The following LDB2 variants were observed in gnomAD, a reference collection of about 807,000 sequenced individuals.
The protein encoded by LDB2 is LIM domain binding 2.
A neutral mutation model predicts 44.3 loss-of-function variants in LDB2; 12 were observed. The ratio of observed to expected loss-of-function variants is 0.27; its 90% CI spans 0.17 to 0.44. The LOEUF (loss-of-function observed/expected upper bound fraction) is 0.44, where lower values mean the gene tolerates loss of function less well. Among genes scored for constraint, LDB2 ranks in the 20% least tolerant of loss-of-function variants. The probability of loss-of-function intolerance (pLI) is 1.00; values close to 1 mark genes in which losing one functional copy is unlikely to be tolerated. For synonymous variants in LDB2, 164 were observed against 174.8 expected (o/e 0.94, Z 0.49); for missense variants, 344 against 473.5 (o/e 0.73, Z 2.54).
At chr4:16,571,014 G>T (rs115832243) in intron 5 of LDB2, among the ~76,000 whole-genome samples, 2,103 of 152,242 alleles carry the variant, frequency 0.014, 16 homozygotes, top group South Asian at 0.032. Flanking sequence ...AAAGTCCCTG[G>T]CATGATAAGA....
At chr4:16,688,858 A>G (rs952796568) in intron 2 of LDB2, among the ~76,000 whole-genome samples, 1 of 152,224 alleles carries the variant, frequency 6.6e-6, no homozygotes, top group Non-Finnish European at 1.5e-5. Flanking sequence ...GTTATTTTCA[A>G]TGTGGTTTTT....
At chr4:16,515,271 C>T (rs1273390778) in intron 5 of LDB2, among the ~76,000 whole-genome samples, 2 of 152,232 alleles carry the variant, frequency 1.3e-5, no homozygotes, top group East Asian at 3.9e-4. Context: ...AACAATGACA[C>T]TGGGCACTCC....
chr4:16,569,833 G>C (rs1224115619), intron 5 of LDB2, among the ~76,000 whole-genome samples: 1 of 152,142 alleles, frequency 6.6e-6, no homozygotes, highest in South Asian at 2.1e-4. Flanking sequence ...ATGTTTAGCT[G>C]TCTTATTTTA....
rs188676786 is a variant in LDB2, at chr4:16,876,806, T to C, written c.132+21548A>G. ...TTCTAGAAATAAGTATTGCCATCGA[T>C]CCTCAAAAATCTCTCCTCACTAACC... On this transcript the variant is annotated intron_variant, in intron 1 of 7. Transcript: ENST00000304523. Among the ~76,000 whole-genome samples, 16 of 152,170 alleles carry C rather than the reference T, an allele frequency of 1.1e-4. No individual in the cohort carries two copies. In the East Asian group the frequency reaches 3.1e-3, roughly 29 times the overall value.
intron 1 of LDB2, among the ~76,000 whole-genome samples, chr4:16,897,896 AT>A (rs1561573679): frequency 0.49 from 29,658 of 60,202 alleles, 4,365 homozygotes; most frequent in Admixed American, 0.52. Flanking sequence ...AAAAAAGAAA[AT>A]ATATATATAT....
intron 1 of LDB2, among the ~76,000 whole-genome samples, chr4:16,820,866 T>A (rs1416451660): frequency 6.6e-6 from 1 of 152,130 alleles, no homozygotes; most frequent in Non-Finnish European, 1.5e-5. Flanking sequence ...AGGACAAAGA[T>A]CAGAATGATA....
intron 7 of LDB2, among the ~76,000 whole-genome samples, chr4:16,505,631 T>G (rs1170574320): frequency 1.3e-5 from 2 of 150,036 alleles, no homozygotes; most frequent in Non-Finnish European, 3.0e-5. Context: ...TTGTTAAAAA[T>G]CCCCCCAACA....
At chr4:16,647,374 G>T (rs1303080559) in intron 2 of LDB2, among the ~76,000 whole-genome samples, 4 of 152,166 alleles carry the variant, frequency 2.6e-5, no homozygotes, top group Non-Finnish European at 4.4e-5. Context: ...ACAGCTCAAT[G>T]AATATAGCAA....
intron 3 of LDB2, among the ~76,000 whole-genome samples, chr4:16,592,470 A>G (rs1719393415): frequency 2.5e-5 from 1 of 40,804 alleles, no homozygotes; most frequent in Non-Finnish European, 4.8e-5. Context: ...ACATACATAT[A>G]TATATATATA....
chr4:16,740,152 G>C (rs1762943631), intron 2 of LDB2, among the ~76,000 whole-genome samples: 1 of 152,154 alleles, frequency 6.6e-6, no homozygotes, highest in Non-Finnish European at 1.5e-5. Context: ...ATATTTGACT[G>C]TGAGAGCTCC....
At chr4:16,791,986 T>C (rs1401529573) in intron 1 of LDB2, among the ~76,000 whole-genome samples, 1 of 152,202 alleles carries the variant, frequency 6.6e-6, no homozygotes, top group Non-Finnish European at 1.5e-5. Flanking sequence ...TTAATGTTTT[T>C]AGTGACTTAC....
chr4:16,754,677 G>A (rs769957715), intron 2 of LDB2, among the ~76,000 whole-genome samples: 22 of 151,948 alleles, frequency 1.4e-4, no homozygotes, highest in Non-Finnish European at 2.6e-4. Context: ...GACTACAGAC[G>A]CATGCCACCA....
chr4:16,805,740 T>C (rs1449691170), intron 1 of LDB2, among the ~76,000 whole-genome samples: 3 of 152,210 alleles, frequency 2.0e-5, no homozygotes, highest in Non-Finnish European at 2.9e-5. Flanking sequence ...TTCCTCTGAC[T>C]GCATGTAGAA....
rs1329762215 is a variant in LDB2, at chr4:16,502,790, G to A, written c.975C>T (p.Asn325=). ...TGCCGTTGGCCGCATCATATTGCGT[G>A]TTTTCTAATCTAGTGATTAGCCTTT... ...EDERLITRLE[N]TQYDAANGMD... The change falls in exon 8 of 8, where the codon AAC becomes AAT. Residue 325 remains asparagine (N), a synonymous_variant. Transcript: ENST00000304523. 1 of 1,614,112 alleles carries A rather than the reference G, an allele frequency of 6.2e-7. No homozygotes were observed. Among genetic ancestry groups the A allele is most frequent in the African/African-American group, 1.3e-5 (1 of 75,036 alleles).
At chr4:16,626,215 C>T (rs1730247678) in intron 2 of LDB2, among the ~76,000 whole-genome samples, 1 of 152,102 alleles carries the variant, frequency 6.6e-6, no homozygotes, top group African/African-American at 2.4e-5. Flanking sequence ...GTTCTCTTTC[C>T]ATCTGCCTCA....
chr4:16,526,678 C>A (rs369812807), intron 5 of LDB2, among the ~76,000 whole-genome samples: 1 of 152,338 alleles, frequency 6.6e-6, no homozygotes, highest in East Asian at 1.9e-4. Context: ...CTTGGCCTGA[C>A]ATTGTGTCTT....
At chr4:16,739,196 A>T (rs971340581) in intron 2 of LDB2, among the ~76,000 whole-genome samples, 3 of 152,138 alleles carry the variant, frequency 2.0e-5, no homozygotes, top group Non-Finnish European at 4.4e-5. Flanking sequence ...TTTTGATGAT[A>T]TAAGTATTTA....
chr4:16,690,454 C>G (rs1477189863), intron 2 of LDB2, among the ~76,000 whole-genome samples: 1 of 98,100 alleles, frequency 1.0e-5, no homozygotes, highest in African/African-American at 3.6e-5. Flanking sequence ...CGGAGGAAGA[C>G]CCTGCAGGAA....
At chr4:16,801,040 G>A (rs750151531) in intron 1 of LDB2, among the ~76,000 whole-genome samples, 2 of 152,282 alleles carry the variant, frequency 1.3e-5, no homozygotes, top group Admixed American at 6.5e-5. Flanking sequence ...CCCATACTTC[G>A]GATGCATGAC....
Sources: gnomAD v4.1 joint callset for allele counts (sites outside exome capture counted in the v4.1 genomes callset) on GRCh38, gnomAD v4.1.1 for gene constraint, MANE v1.5 for transcripts, NCBI Gene and HGNC (gene_info 2026-07-23, HGNC 2026-07-21) for gene names.